Variants in CUX1 observed in about 807,000 individuals in gnomAD.
The protein encoded by CUX1 is cut like homeobox 1, also known as protein CASP.
Under a neutral mutation model 158.8 loss-of-function variants are expected in CUX1, and 31 were observed. The observed-to-expected ratio is 0.20, with a 90% CI of 0.15 to 0.26. The LOEUF is 0.26. Ranked by LOEUF, CUX1 falls within the 10% of genes least tolerant of loss-of-function variation. The probability of loss-of-function intolerance (pLI) is 1.00; values close to 1 mark genes in which losing one functional copy is unlikely to be tolerated. For synonymous variants in CUX1, 879 were observed against 862.1 expected (o/e 1.02, Z -0.34); for missense variants, 1,589 against 2,014.6 (o/e 0.79, Z 4.04).
intron 1 of CUX1, among the ~76,000 whole-genome samples, chr7:101,903,311 G>A (rs1802359814): frequency 6.6e-6 from 1 of 152,158 alleles, no homozygotes; most frequent in Non-Finnish European, 1.5e-5. Context: ...AAGCTATGGG[G>A]AACCCAGGCA....
intron 4 of CUX1, among the ~76,000 whole-genome samples, chr7:102,074,304 A>G (rs1029340704): frequency 6.6e-6 from 1 of 152,238 alleles, no homozygotes; most frequent in Non-Finnish European, 1.5e-5. Context: ...ATAATGCAAC[A>G]GGCATTCCAG....
intron 23 of CUX1, among the ~76,000 whole-genome samples, chr7:102,247,922 G>A (rs889982484): frequency 6.6e-6 from 1 of 152,170 alleles, no homozygotes; most frequent in Admixed American, 6.6e-5. Flanking sequence ...TGTGAGGTCC[G>A]GAGTTTGAGA....
intron 1 of CUX1, among the ~76,000 whole-genome samples, chr7:101,841,067 G>A (rs767689385): frequency 6.6e-6 from 1 of 151,638 alleles, no homozygotes; most frequent in African/African-American, 2.4e-5. Flanking sequence ...CTAATTTTTT[G>A]TATTTTTAAT....
At chr7:101,875,978 A>G (rs1232457039) in intron 1 of CUX1, among the ~76,000 whole-genome samples, 1 of 152,192 alleles carries the variant, frequency 6.6e-6, no homozygotes, top group Non-Finnish European at 1.5e-5. Flanking sequence ...TGGTCCCAGG[A>G]TGCATTATTC....
At chr7:101,974,521 G>A (rs539521593) in intron 2 of CUX1, among the ~76,000 whole-genome samples, 2 of 152,144 alleles carry the variant, frequency 1.3e-5, no homozygotes, top group East Asian at 3.9e-4. Flanking sequence ...TTCAGGCAGC[G>A]CTGGGAAACA....
chr7:102,256,056 C>T lies in CUX1; in HGVS notation c.*7014C>T. Reference sequence around the variant, plus strand: ...CATGAACCGAAGGGAAAACAGGCCTCCCCGACTCCCTCCAGTCTCCCAGCC... The same window carrying T: ...CATGAACCGAAGGGAAAACAGGCCTTCCCGACTCCCTCCAGTCTCCCAGCC... On this transcript the variant is annotated 3_prime_UTR_variant, in exon 24 of 24. Transcript: ENST00000292535. 2.0e-6 allele frequency: 2 copies of T among 985,494 alleles called. No individual in the cohort carries two copies. Among genetic ancestry groups the T allele is most frequent in the Non-Finnish European group, 2.4e-6 (2 of 829,958 alleles). 61.0% of individuals were successfully genotyped at this position (985,494 alleles called of 1,614,324 possible). A position where few individuals can be genotyped will look rare whatever the true frequency, so the allele number is the denominator to read the frequency against.
At chr7:101,945,040 C>T (rs1808207908) in intron 2 of CUX1, among the ~76,000 whole-genome samples, 2 of 152,100 alleles carry the variant, frequency 1.3e-5, no homozygotes, top group Admixed American at 1.3e-4. Context: ...AAATTGTCAC[C>T]CCAGGGTGCC....
In CUX1 at chr7:102,253,047, C is replaced by T; in HGVS notation, c.*4005C>T. ...TGCAAGTAATTGAGGCAAAAGATAC[C>T]AGTCGACAGCCTCCCTGGGGTAGAT... On this transcript the variant is annotated 3_prime_UTR_variant, in exon 24 of 24. Transcript: ENST00000292535. The T allele has an allele frequency of 2.6e-5, 26 of 985,418 alleles. No homozygotes were observed. The highest frequency in any genetic ancestry group is 3.1e-5 in the Non-Finnish European group (26 of 829,938). The allele number at this position is 985,418 out of a possible 1,614,324, so 61.0% of individuals were successfully genotyped here.
At chr7:101,826,712 T>C (rs1793344030) in intron 1 of CUX1, among the ~76,000 whole-genome samples, 1 of 152,048 alleles carries the variant, frequency 6.6e-6, no homozygotes, top group South Asian at 2.1e-4. Context: ...GGGCGCCCAC[T>C]GAGTTCTGTG....
chr7:102,115,858 A>C (rs527727921), intron 8 of CUX1, among the ~76,000 whole-genome samples: 24 of 152,288 alleles, frequency 1.6e-4, no homozygotes, highest in Admixed American at 7.8e-4. Context: ...AGGAAGAAAT[A>C]ATAATTGACA....
At chr7:101,844,566 T>C (rs1338156398) in intron 1 of CUX1, among the ~76,000 whole-genome samples, 17 of 152,272 alleles carry the variant, frequency 1.1e-4, no homozygotes, top group Admixed American at 9.2e-4. Flanking sequence ...TTTTTCTTTT[T>C]ATCCCTGTCT....
intron 2 of CUX1, among the ~76,000 whole-genome samples, chr7:102,000,445 GA>G (rs113141640): frequency 2.6e-5 from 4 of 152,346 alleles, no homozygotes; most frequent in African/African-American, 9.6e-5. Context: ...CTTGTGGAAG[GA>G]AGATCGCATC....
chr7:102,281,911 G>A (rs1554549391), exon 21 of CUX1: 1 of 1,610,626 alleles, frequency 6.2e-7, no homozygotes, highest in East Asian at 2.2e-5. Context: ...TGCACTGCCT[G>A]GTCTTCCTGG....
At chr7:101,919,347 C>T (rs1308058995) in intron 2 of CUX1, among the ~76,000 whole-genome samples, 1 of 152,202 alleles carries the variant, frequency 6.6e-6, no homozygotes, top group African/African-American at 2.4e-5. Flanking sequence ...CACCACTGCC[C>T]TGACACTGGT....
intron 2 of CUX1, among the ~76,000 whole-genome samples, chr7:101,940,365 A>C (rs1807558772): frequency 6.6e-6 from 1 of 152,118 alleles, no homozygotes. Flanking sequence ...GACACGCTCC[A>C]TGAAGTCCCT....
At chr7:102,112,284 C>CA (rs1478101591) in intron 7 of CUX1, among the ~76,000 whole-genome samples, 2 of 149,538 alleles carry the variant, frequency 1.3e-5, no homozygotes, top group African/African-American at 4.9e-5. Flanking sequence ...CTCTGTCACC[C>CA]AGGCTGGAGT....
intron 2 of CUX1, among the ~76,000 whole-genome samples, chr7:102,018,186 C>T (rs1270784195): frequency 6.6e-6 from 1 of 152,132 alleles, no homozygotes; most frequent in Non-Finnish European, 1.5e-5. Flanking sequence ...GTCTTGAACT[C>T]CTGGCCTCAA....
chr7:102,125,409 C>A (rs540518398), intron 8 of CUX1: 1 of 152,426 alleles, frequency 6.6e-6, no homozygotes, highest in East Asian at 1.9e-4. Flanking sequence ...CACCTTCTGC[C>A]CCCAGTAAAA....
intron 23 of CUX1, among the ~76,000 whole-genome samples, chr7:102,247,496 C>CGGGAT (rs200955232): frequency 0.014 from 2,172 of 152,182 alleles, 35 homozygotes; most frequent in African/African-American, 0.048. Context: ...CTAGTTGGAG[C>CGGGAT]GGGATGGGAT....
Sources: allele counts gnomAD v4.1 joint callset (sites outside exome capture counted in the v4.1 genomes callset), GRCh38; gene constraint gnomAD v4.1.1; transcripts MANE v1.5; gene names NCBI Gene and HGNC (gene_info 2026-07-23, HGNC 2026-07-21).